The following CCNH variants were observed in gnomAD, a reference collection of about 807,000 sequenced individuals.
The protein encoded by CCNH is cyclin-H.
CCNH carries 31 observed loss-of-function variants against 41.9 expected under a neutral mutation model. The ratio of observed to expected loss-of-function variants is 0.74; its 90% CI spans 0.56 to 1.00. The LOEUF (loss-of-function observed/expected upper bound fraction) is 1.00, where lower values mean the gene tolerates loss of function less well. Among genes scored for constraint, CCNH ranks in the 50% least tolerant of loss-of-function variants. The probability of loss-of-function intolerance (pLI) is 0.00; values close to 1 mark genes in which losing one functional copy is unlikely to be tolerated. For synonymous variants in CCNH, 138 were observed against 136.1 expected (o/e 1.01, Z -0.10); for missense variants, 362 against 388.4 (o/e 0.93, Z 0.57).
At chr5:87,318,687 T>C (rs1756533503) in exon 10 of CCNH, 1 of 152,160 alleles carries the variant, frequency 6.6e-6, no homozygotes, top group South Asian at 2.1e-4. Flanking sequence ...CTCCCAACAC[T>C]GGGAATTACA....
At chr5:87,362,585 G>A (rs2112456636) in intron 9 of CCNH, 3 of 1,597,194 alleles carry the variant, frequency 1.9e-6, no homozygotes, top group Non-Finnish European at 2.6e-6. Context: ...ACAGTGGATG[G>A]CAAGGAAATC....
chr5:87,360,383 T>G (rs1759993223), intron 9 of CCNH, among the ~76,000 whole-genome samples: 1 of 152,168 alleles, frequency 6.6e-6, no homozygotes, highest in Non-Finnish European at 1.5e-5. Context: ...CTCGGCCTCC[T>G]AAAGTACTGG....
intron 9 of CCNH, among the ~76,000 whole-genome samples, chr5:87,350,227 A>G (rs951536670): frequency 2.0e-5 from 3 of 151,858 alleles, no homozygotes; most frequent in South Asian, 2.1e-4. Context: ...GTTAAAAGAC[A>G]TCAAATGTAA....
At chr5:87,403,114 G>A (rs1394194616) in intron 5 of CCNH, among the ~76,000 whole-genome samples, 1 of 151,976 alleles carries the variant, frequency 6.6e-6, no homozygotes, top group Non-Finnish European at 1.5e-5. Flanking sequence ...CAACAGCACA[G>A]GGGCTTTCCC....
upstream of CCNH, among the ~76,000 whole-genome samples, chr5:87,378,063 G>C (rs76494603): frequency 7.4e-4 from 112 of 152,276 alleles, no homozygotes; most frequent in Middle Eastern, 3.4e-3. Context: ...GGGTCAATGG[G>C]CAGCAAAGCT....
At position 87,359,867 on chromosome 5, in the gene CCNH, T is replaced by C. The variant is rs558849275; in HGVS notation, c.*90+32903A>G. Among the ~76,000 whole-genome samples the C allele has an allele frequency of 4.6e-5, 7 of 152,328 alleles. 1 individual carries two copies. The East Asian group carries it at 1.4e-3, about 29-fold the overall frequency. On this transcript the variant is annotated intron_variant and NMD_transcript_variant, in intron 9 of 9. Transcript: ENST00000645953. ...AATTTTTGTTCCATGTTTTCATGTC[T>C]AGAAAGGTTTACGTACCTGAAATGG...
exon 1 of CCNH, chr5:87,376,912 A>G (rs780154946): frequency 6.2e-7 from 1 of 1,610,042 alleles, no homozygotes; most frequent in Non-Finnish European, 8.5e-7. Context: ...CATGTAGTCT[A>G]TGCTTTATCA....
chr5:87,397,223 C>T (rs912427232), intron 7 of CCNH, among the ~76,000 whole-genome samples: 10 of 151,042 alleles, frequency 6.6e-5, no homozygotes, highest in Non-Finnish European at 1.3e-4. Context: ...AGTGCAATGG[C>T]GTGATCTTGG....
downstream of CCNH, among the ~76,000 whole-genome samples, chr5:87,375,839 T>A (rs191089439): frequency 1.2e-3 from 176 of 152,348 alleles, 4 homozygotes; most frequent in Non-Finnish European, 1.2e-4. Context: ...CTATAAAATG[T>A]TTATTCTGTA....
chr5:87,396,681 A>G (rs902381608), intron 7 of CCNH, among the ~76,000 whole-genome samples: 1 of 152,106 alleles, frequency 6.6e-6, no homozygotes. Flanking sequence ...TAAGCAATAC[A>G]GATGAAATAT....
At chr5:87,395,985 C>T (rs141583537) in intron 7 of CCNH, among the ~76,000 whole-genome samples, 5 of 152,074 alleles carry the variant, frequency 3.3e-5, no homozygotes, top group African/African-American at 1.2e-4. Flanking sequence ...TAAGTACAAT[C>T]AGCCTTCTGT....
chr5:87,383,678 TAA>T (rs368117332), intron 9 of CCNH: 13,708 of 1,275,702 alleles, frequency 0.011, no homozygotes, highest in Admixed American at 0.017. Flanking sequence ...AGGTGTTTTC[TAA>T]AAAAAAAAAA....
chr5:87,405,403 T>A lies in CCNH; in HGVS notation c.526-396A>T, dbSNP rs3093805. ...TAAATAAAAATGAATCTCGATTTGA[T>A]TAGAACACACTAGACTTCGAATTCC... On this transcript the variant is annotated intron_variant, in intron 4 of 8. Coordinates refer to ENST00000256897, the MANE Select transcript of CCNH (RefSeq NM_001239.4). Among the ~76,000 whole-genome samples the A allele has an allele frequency of 2.1e-3, 327 of 152,290 alleles. 1 individual carries two copies. The highest frequency in any genetic ancestry group is 7.5e-3 in the African/African-American group (312 of 41,566).
intron 9 of CCNH, among the ~76,000 whole-genome samples, chr5:87,336,478 TA>T (rs1394820034): frequency 6.6e-6 from 1 of 152,130 alleles, no homozygotes. Flanking sequence ...CTGTGGATTT[TA>T]AAATAAAAAT....
At chr5:87,376,300 C>A in exon 1 of CCNH, 1 of 1,427,358 alleles carries the variant, frequency 7.0e-7, no homozygotes, top group South Asian at 1.2e-5. Context: ...GCATTTAACA[C>A]CATAGGGAAG....
At chr5:87,371,695 A>C (rs1380849605), downstream of CCNH, among the ~76,000 whole-genome samples, 1 of 152,134 alleles carries the variant, frequency 6.6e-6, no homozygotes, top group Non-Finnish European at 1.5e-5. Context: ...AGTTGGTTTT[A>C]CAATCAGCAC....
At chr5:87,321,340 A>G (rs1756788888) in intron 9 of CCNH, among the ~76,000 whole-genome samples, 1 of 152,206 alleles carries the variant, frequency 6.6e-6, no homozygotes, top group Non-Finnish European at 1.5e-5. Context: ...TCTACAGTGA[A>G]CACCAGCTAA....
At chr5:87,355,421 G>C (rs1017115895) in intron 9 of CCNH, among the ~76,000 whole-genome samples, 3 of 152,154 alleles carry the variant, frequency 2.0e-5, no homozygotes, top group Non-Finnish European at 4.4e-5. Context: ...AAGCCTGCAT[G>C]ATAGCCCATC....
chr5:87,378,093 A>G (rs1166328900), upstream of CCNH, among the ~76,000 whole-genome samples: 1 of 152,220 alleles, frequency 6.6e-6, no homozygotes, highest in East Asian at 1.9e-4. Context: ...TCCTAATTTT[A>G]TCATTAGCTG....
Sources: allele counts gnomAD v4.1 joint callset (sites outside exome capture counted in the v4.1 genomes callset), GRCh38; gene constraint gnomAD v4.1.1; transcripts MANE v1.5; gene names NCBI Gene and HGNC (gene_info 2026-07-23, HGNC 2026-07-21).